Variants in PDZRN4 observed in about 807,000 individuals in gnomAD.
PDZRN4 encodes PDZ domain containing ring finger 4, also known as PDZ domain-containing RING finger protein 4.
A neutral mutation model predicts 99.0 loss-of-function variants in PDZRN4; 70 were observed. That is an observed-to-expected ratio of 0.71 (90% CI 0.58 to 0.86). PDZRN4 has a LOEUF of 0.86. Among genes scored for constraint, PDZRN4 ranks in the 40% least tolerant of loss-of-function variants. The pLI is 0.00. For missense variants in PDZRN4, 1,474 were observed against 1,331.2 expected, an observed-to-expected ratio of 1.11 and a Z score of -1.67; for synonymous variants, 551 against 501.6, an observed-to-expected ratio of 1.10 and a Z score of -1.32.
intron 3 of PDZRN4, among the ~76,000 whole-genome samples, chr12:41,423,824 A>T (rs909588735): frequency 6.6e-6 from 1 of 152,184 alleles, no homozygotes; most frequent in Non-Finnish European, 1.5e-5. Context: ...GTAAGAAAAG[A>T]TAGTTAATAT....
chr12:41,437,696 G>GCCATGAACT, intron 3 of PDZRN4: 1 of 1,387,196 alleles, frequency 7.2e-7, no homozygotes, highest in South Asian at 1.6e-5. Flanking sequence ...GGGGAGTGTT[G>GCCATGAACT]CCATGAACTG....
intron 3 of PDZRN4, among the ~76,000 whole-genome samples, chr12:41,390,416 T>G (rs1952202062): frequency 6.6e-6 from 1 of 152,092 alleles, no homozygotes; most frequent in African/African-American, 2.4e-5. Flanking sequence ...TATTTTGTTT[T>G]GCTCCCCACC....
At chr12:41,191,582 A>C (rs1950735601) in intron 2 of PDZRN4, 38 bp downstream of exon 2, 1 of 931,402 alleles carries the variant, frequency 1.1e-6, no homozygotes, top group African/African-American at 1.6e-5. Flanking sequence ...GTTACTTATA[A>C]AATAAGCATT....
intron 3 of PDZRN4, among the ~76,000 whole-genome samples, chr12:41,229,499 G>T (rs1951015481): frequency 6.6e-6 from 1 of 151,948 alleles, no homozygotes; most frequent in African/African-American, 2.4e-5. Flanking sequence ...CACACTACAT[G>T]AATACTGCTT....
intron 3 of PDZRN4, among the ~76,000 whole-genome samples, chr12:41,244,698 G>T (rs539805066): frequency 0.012 from 1,340 of 116,350 alleles, 42 homozygotes; most frequent in East Asian, 0.11. Flanking sequence ...TTCTTTTTGA[G>T]ACGGAGTCTC....
At chr12:41,206,920 G>A (rs754610272) in intron 3 of PDZRN4, among the ~76,000 whole-genome samples, 2 of 151,830 alleles carry the variant, frequency 1.3e-5, no homozygotes, top group Non-Finnish European at 2.9e-5. Flanking sequence ...CTTTTAGAGG[G>A]ACCAGTCTTA....
At chr12:41,510,089 T>C (rs1274581941) in intron 5 of PDZRN4, among the ~76,000 whole-genome samples, 176 bp downstream of exon 5, 1 of 152,158 alleles carries the variant, frequency 6.6e-6, no homozygotes, top group Non-Finnish European at 1.5e-5. Flanking sequence ...TTAAGTATAT[T>C]GGAAAATATT....
intron 3 of PDZRN4, among the ~76,000 whole-genome samples, chr12:41,295,313 TC>T (rs369672735): frequency 5.9e-5 from 9 of 152,178 alleles, no homozygotes; most frequent in South Asian, 2.1e-4. Flanking sequence ...TACAAAGAGT[TC>T]CCATATTGTC....
chr12:41,456,416 A>C (rs1952817478), intron 3 of PDZRN4, among the ~76,000 whole-genome samples: 1 of 152,196 alleles, frequency 6.6e-6, no homozygotes, highest in Non-Finnish European at 1.5e-5. Context: ...CCAGAAATCC[A>C]GTGACCTAAA....
At chr12:41,224,998 A>C (rs1176309141) in intron 3 of PDZRN4, among the ~76,000 whole-genome samples, 4 of 152,166 alleles carry the variant, frequency 2.6e-5, no homozygotes, top group African/African-American at 9.7e-5. Context: ...AAAAATAAAA[A>C]TAGAATACTT....
intron 2 of PDZRN4, 40 bp from the exon 3 acceptor site, chr12:41,194,041 T>A: frequency 1.1e-6 from 1 of 887,646 alleles, no homozygotes. Context: ...ATTTAAATTT[T>A]GCTTACATCT....
At chr12:41,381,788 T>C (rs892157977) in intron 3 of PDZRN4, among the ~76,000 whole-genome samples, 5 of 152,198 alleles carry the variant, frequency 3.3e-5, no homozygotes, top group African/African-American at 1.2e-4. Context: ...TGGTATATTG[T>C]TTCCTTGATC....
Position 41,210,107 on chromosome 12 carries a change from G to T in PDZRN4, c.843+15919G>T, listed in dbSNP as rs1950878357. 3.9e-5 allele frequency among the ~76,000 whole-genome samples: 6 copies of T among 152,056 alleles called. No homozygotes were observed. The South Asian group carries it at 1.0e-3, about 26-fold the overall frequency. ...TTTCTCTGATGGCCAGTGATGATGA[G>T]CATTTTTTCATGTGTTTTCTGTCTG... is the stretch of plus-strand genomic sequence containing the variant. On this transcript the variant is annotated intron_variant, in intron 3 of 9. Coordinates refer to ENST00000402685, the MANE Select transcript of PDZRN4 (RefSeq NM_001164595.2).
intron 3 of PDZRN4, among the ~76,000 whole-genome samples, chr12:41,270,417 T>G (rs114933126): frequency 6.6e-6 from 1 of 151,912 alleles, no homozygotes; most frequent in Non-Finnish European, 1.5e-5. Flanking sequence ...TAAAGATTAA[T>G]GAATTTAGAG....
intron 3 of PDZRN4, among the ~76,000 whole-genome samples, chr12:41,432,631 G>C (rs1448337460): frequency 1.3e-5 from 2 of 152,168 alleles, no homozygotes; most frequent in Non-Finnish European, 2.9e-5. Flanking sequence ...CAATAAGAGA[G>C]GTAAAGCATG....
intron 5 of PDZRN4, among the ~76,000 whole-genome samples, chr12:41,543,344 A>T (rs1022128606): frequency 1.5e-4 from 23 of 150,990 alleles, no homozygotes; most frequent in African/African-American, 2.2e-4. Context: ...TGTGTGTGTG[A>T]GAGAGAGAGA....
At chr12:41,249,365 T>C (rs1951153719) in intron 3 of PDZRN4, among the ~76,000 whole-genome samples, 2 of 152,238 alleles carry the variant, frequency 1.3e-5, no homozygotes, top group African/African-American at 2.4e-5. Flanking sequence ...AGGTGACTTG[T>C]ACAGATTGTA....
intron 3 of PDZRN4, among the ~76,000 whole-genome samples, chr12:41,195,272 A>T (rs908150399): frequency 6.6e-6 from 1 of 152,200 alleles, no homozygotes; most frequent in African/African-American, 2.4e-5. Context: ...TAGTGAAGCT[A>T]TAAATAGGAA....
intron 3 of PDZRN4, among the ~76,000 whole-genome samples, chr12:41,412,761 G>A (rs73276103): frequency 0.022 from 3,369 of 152,200 alleles, 151 homozygotes; most frequent in African/African-American, 0.074. Context: ...TGAAGGGGAA[G>A]TAAAATATCT....
Sources: allele counts gnomAD v4.1 joint callset (sites outside exome capture counted in the v4.1 genomes callset), GRCh38; gene constraint gnomAD v4.1.1; transcripts MANE v1.5; gene names NCBI Gene and HGNC (gene_info 2026-07-23, HGNC 2026-07-21).